The following OSTN variants were observed in gnomAD, a reference collection of about 807,000 sequenced individuals.
The protein encoded by OSTN is osteocrin.
OSTN carries 9 observed loss-of-function variants against 12.0 expected under a neutral mutation model. The ratio of observed to expected loss-of-function variants is 0.75; its 90% CI spans 0.45 to 1.30. The LOEUF (loss-of-function observed/expected upper bound fraction) is 1.30. Among genes scored for constraint, OSTN ranks in the 50% most tolerant of loss-of-function variants. OSTN has a pLI of 0.00. For missense variants in OSTN, 148 were observed against 152.3 expected, an observed-to-expected ratio of 0.97 and a Z score of 0.15; for synonymous variants, 59 against 56.9, an observed-to-expected ratio of 1.04 and a Z score of -0.16.
intron 3 of OSTN, among the ~76,000 whole-genome samples, chr3:191,233,342 G>A (rs1035408893): frequency 5.3e-5 from 8 of 152,072 alleles, no homozygotes; most frequent in South Asian, 2.1e-4. Context: ...TCAATTCTCC[G>A]GGCAACACTA....
chr3:191,204,609 C>G (rs1016369514), intron 1 of OSTN, among the ~76,000 whole-genome samples: 3 of 152,220 alleles, frequency 2.0e-5, no homozygotes. Context: ...AAAAAAGAGA[C>G]CGCAATGGCT....
In OSTN at chr3:191,212,651, T is replaced by C; in HGVS notation, c.102+17T>C. On this transcript the variant is annotated intron_variant, in intron 2 of 4. Coordinates refer to ENST00000682035, the MANE Select transcript of OSTN (RefSeq NM_198184.2). ...ACAACAGAGGTAATGGAAACTAGCT[T>C]ACAGAAATAAATATACATGTTTGAC... is the stretch of plus-strand genomic sequence containing the variant. 2 of 1,356,818 alleles carry C rather than the reference T, an allele frequency of 1.5e-6. No individual in the cohort carries two copies. The highest frequency in any genetic ancestry group is 2.0e-6 in the Non-Finnish European group (2 of 994,582). 84.0% of individuals were successfully genotyped at this position (1,356,818 alleles called of 1,614,324 possible).
At chr3:191,218,483 C>A (rs1360683618) in intron 2 of OSTN, among the ~76,000 whole-genome samples, 1 of 152,106 alleles carries the variant, frequency 6.6e-6, no homozygotes, top group African/African-American at 2.4e-5. Flanking sequence ...ATTGGCCAGG[C>A]ATGATGGCAG....
chr3:191,203,692 ATTTG>A (rs35710734), intron 1 of OSTN, among the ~76,000 whole-genome samples: 60,528 of 151,494 alleles, frequency 0.4, 12,719 homozygotes, highest in African/African-American at 0.54. Context: ...TTTATAAAAA[ATTTG>A]TTTGGGAGAT....
intron 2 of OSTN, among the ~76,000 whole-genome samples, chr3:191,212,989 G>A (rs1220234403): frequency 1.4e-5 from 2 of 147,242 alleles, no homozygotes; most frequent in Non-Finnish European, 3.0e-5. Flanking sequence ...TCCTGCCTCA[G>A]CCTCCCAAGT....
intron 3 of OSTN, among the ~76,000 whole-genome samples, chr3:191,236,356 C>A (rs1185843570): frequency 6.6e-6 from 1 of 152,078 alleles, no homozygotes; most frequent in East Asian, 1.9e-4. Flanking sequence ...CCGAACCAGA[C>A]CCCAAGAGAG....
At chr3:191,208,963 G>A (rs1027932284) in intron 1 of OSTN, among the ~76,000 whole-genome samples, 2 of 152,162 alleles carry the variant, frequency 1.3e-5, no homozygotes, top group African/African-American at 4.8e-5. Flanking sequence ...TTCGAGAGCA[G>A]CCTGGTCAAC....
chr3:191,247,269 T>C (rs1715455057), intron 3 of OSTN, among the ~76,000 whole-genome samples: 1 of 152,156 alleles, frequency 6.6e-6, no homozygotes, highest in Non-Finnish European at 1.5e-5. Context: ...TTATATTAAT[T>C]TTACAAATAA....
Position 191,257,254 on chromosome 3 carries a change from A to C in OSTN, c.*13-5612A>C, listed in dbSNP as rs571514116. On this transcript the variant is annotated intron_variant, in intron 4 of 4. Coordinates refer to ENST00000682035, the MANE Select transcript of OSTN (RefSeq NM_198184.2). ...TACATGCCTTTTTATAATCCTTCTT[A>C]CCAAAAACATACTCTACTTCCTTAC... is the stretch of plus-strand genomic sequence containing the variant. Among the ~76,000 whole-genome samples, 3 of 150,830 alleles carry C rather than the reference A, an allele frequency of 2.0e-5. No homozygotes were observed. In the South Asian group the frequency reaches 6.3e-4, roughly 32 times the overall value.
At chr3:191,221,099 C>T in intron 3 of OSTN, among the ~76,000 whole-genome samples, 1 of 152,132 alleles carries the variant, frequency 6.6e-6, no homozygotes, top group Non-Finnish European at 1.5e-5. Flanking sequence ...GAGGCGTTCT[C>T]CCTTTCGCTC....
At position 191,236,478 on chromosome 3, in the gene OSTN, G is replaced by A. The variant is rs150703207; in HGVS notation, c.318-13559G>A. On this transcript the variant is annotated intron_variant, in intron 3 of 4. Coordinates refer to ENST00000682035, the MANE Select transcript of OSTN (RefSeq NM_198184.2). The stretch of plus-strand genomic sequence containing the variant: ...AAAAATGCCTACTCCATAGAGAGTA[G>A]GGCCCAAAAGCAAGAGGAGGAATGC... Among the ~76,000 whole-genome samples the A allele has an allele frequency of 2.8e-3, 431 of 152,076 alleles. 1 individual carries two copies. Among genetic ancestry groups the A allele is most frequent in the African/African-American group, 9.5e-3 (396 of 41,498 alleles).
intron 3 of OSTN, among the ~76,000 whole-genome samples, chr3:191,224,470 A>C (rs958262221): frequency 7.0e-6 from 1 of 143,766 alleles, no homozygotes; most frequent in Non-Finnish European, 1.5e-5. Flanking sequence ...AATTGATAGA[A>C]GATCTACACA....
rs1414868571 is a variant in OSTN at position 191,263,952 on chromosome 3, A to C, written c.*1099A>C. On this transcript the variant is annotated 3_prime_UTR_variant, in exon 5 of 5. Transcript: ENST00000682035. ...ATTGGATATACTTTGAAAACACACA[A>C]AAAAAACTTTCTATGGAACAGAGAT... 1 of 45,842 alleles carries C rather than the reference A, an allele frequency of 2.2e-5. No individual in the cohort carries two copies. The highest frequency in any genetic ancestry group is 2.5e-4 in the Admixed American group (1 of 4,058). 2.8% of individuals were successfully genotyped at this position (45,842 alleles called of 1,614,324 possible).
At chr3:191,233,726 G>T (rs1317654373) in intron 3 of OSTN, among the ~76,000 whole-genome samples, 1 of 152,188 alleles carries the variant, frequency 6.6e-6, no homozygotes, top group Non-Finnish European at 1.5e-5. Flanking sequence ...AGGCACTGTG[G>T]CTCATGCCCT....
chr3:191,226,044 G>T (rs1714901480), intron 3 of OSTN, among the ~76,000 whole-genome samples: 1 of 151,958 alleles, frequency 6.6e-6, no homozygotes, highest in South Asian at 2.1e-4. Context: ...AAAATTTTAG[G>T]AGCTTCAGTA....
chr3:191,218,349 T>C (rs1419914275), intron 2 of OSTN, among the ~76,000 whole-genome samples: 1 of 152,112 alleles, frequency 6.6e-6, no homozygotes, highest in Non-Finnish European at 1.5e-5. Flanking sequence ...AGGCCAGGTG[T>C]TGTGGCTCAC....
chr3:191,258,553 A>C, intron 4 of OSTN, among the ~76,000 whole-genome samples: 1 of 152,040 alleles, frequency 6.6e-6, no homozygotes, highest in Admixed American at 6.6e-5. Flanking sequence ...CGGGGTTTAA[A>C]ACCTAGATGA....
intron 1 of OSTN, among the ~76,000 whole-genome samples, chr3:191,205,963 T>C (rs1714264245): frequency 6.6e-6 from 1 of 152,166 alleles, no homozygotes; most frequent in South Asian, 2.1e-4. Flanking sequence ...GGCGAGTGGA[T>C]CACCTGAAGT....
chr3:191,212,956 C>T (rs1423266849), intron 2 of OSTN, among the ~76,000 whole-genome samples: 2 of 147,484 alleles, frequency 1.4e-5, no homozygotes, highest in Non-Finnish European at 3.0e-5. Flanking sequence ...CTGCAACTTC[C>T]ACCTCCCAGG....
Sources: gnomAD v4.1 joint callset for allele counts (sites outside exome capture counted in the v4.1 genomes callset) on GRCh38, gnomAD v4.1.1 for gene constraint, MANE v1.5 for transcripts, NCBI Gene and HGNC (gene_info 2026-07-23, HGNC 2026-07-21) for gene names.